The following MEF2C variants were observed in gnomAD, a reference collection of about 807,000 sequenced individuals.
The protein encoded by MEF2C is myocyte-specific enhancer factor 2C.
A neutral mutation model predicts 50.5 loss-of-function variants in MEF2C; 6 were observed. The observed-to-expected ratio is 0.12, with a 90% CI of 0.07 to 0.23. The LOEUF is 0.23. Ranked by LOEUF, MEF2C falls within the 10% of genes least tolerant of loss-of-function variation. The probability of loss-of-function intolerance (pLI) is 1.00; values close to 1 mark genes in which losing one functional copy is unlikely to be tolerated. For missense variants in MEF2C, 276 were observed against 605.0 expected, an observed-to-expected ratio of 0.46 and a Z score of 5.70; for synonymous variants, 183 against 228.0, an observed-to-expected ratio of 0.80 and a Z score of 1.78.
At position 88,720,805 on chromosome 5, in the gene MEF2C, A is replaced by G. The variant is rs1756088118; in HGVS notation, c.*1799T>C. 6.6e-6 allele frequency: 1 copy of G among 152,600 alleles called. No homozygotes were observed. Among genetic ancestry groups the G allele is most frequent in the Non-Finnish European group, 1.5e-5 (1 of 68,012 alleles). The allele number at this position is 152,600 out of a possible 1,614,324, so 9.5% of individuals were successfully genotyped here. ...AAGAGTCATTTTTTTTAAATTAAAA[A>G]AAGGGACATAGAGAGGTTCTTTATG... On this transcript the variant is annotated 3_prime_UTR_variant, in exon 11 of 11. Transcript: ENST00000504921.
intron 1 of MEF2C, among the ~76,000 whole-genome samples, chr5:88,899,132 A>C (rs1410421229): frequency 6.6e-6 from 1 of 152,176 alleles, no homozygotes; most frequent in Non-Finnish European, 1.5e-5. Flanking sequence ...TCGTGTCATA[A>C]CATAATTTTG....
chr5:88,769,185 A>G (rs971545060), intron 3 of MEF2C, among the ~76,000 whole-genome samples: 1 of 152,240 alleles, frequency 6.6e-6, no homozygotes, highest in Non-Finnish European at 1.5e-5. Flanking sequence ...AATGTGAGTC[A>G]GATACTATAA....
At chr5:88,755,936 T>A (rs1287066014) in intron 4 of MEF2C, among the ~76,000 whole-genome samples, 1 of 152,218 alleles carries the variant, frequency 6.6e-6, no homozygotes, top group East Asian at 1.9e-4. Context: ...TTCCTCTGAC[T>A]ATTATCCCCA....
At chr5:88,749,628 T>A in intron 5 of MEF2C, 1 of 368,592 alleles carries the variant, frequency 2.7e-6, no homozygotes, top group Non-Finnish European at 3.8e-6. Flanking sequence ...GGCCACAGAT[T>A]AAGAAACATA....
At chr5:88,880,040 G>C (rs1333044903) in intron 1 of MEF2C, among the ~76,000 whole-genome samples, 3 of 151,832 alleles carry the variant, frequency 2.0e-5, no homozygotes, top group Non-Finnish European at 4.4e-5. Context: ...TTTACTGAGT[G>C]CAAGACAGTC....
intron 1 of MEF2C, among the ~76,000 whole-genome samples, chr5:88,891,824 TC>T (rs1390697744): frequency 6.6e-6 from 1 of 152,164 alleles, no homozygotes; most frequent in Admixed American, 6.5e-5. Context: ...TTTGTTTTGT[TC>T]TGTCTTTTGG....
chr5:88,884,960 T>C (rs776725453), upstream of MEF2C, among the ~76,000 whole-genome samples: 2 of 152,186 alleles, frequency 1.3e-5, no homozygotes, highest in African/African-American at 2.4e-5. Context: ...AGTAGAATTA[T>C]AGATTACATA....
intron 2 of MEF2C, among the ~76,000 whole-genome samples, chr5:88,822,238 T>C (rs1461243605): frequency 2.0e-5 from 3 of 151,996 alleles, no homozygotes; most frequent in African/African-American, 7.2e-5. Context: ...CTAATTCATA[T>C]GTTTTTGACT....
At chr5:88,788,519 T>C (rs1269300700) in intron 3 of MEF2C, among the ~76,000 whole-genome samples, 1 of 152,118 alleles carries the variant, frequency 6.6e-6, no homozygotes, top group East Asian at 1.9e-4. Flanking sequence ...CCATGCCAGT[T>C]ATTTGAATGA....
chr5:88,730,328 T>C lies in MEF2C; in HGVS notation c.811-94A>G, dbSNP rs181038149. ...CAACAAAAGGAAAAGCATCTTCCGA[T>C]AGACACAACAGTTTAAACAGTTTTA... On this transcript the variant is annotated intron_variant, in intron 7 of 10. Coordinates refer to ENST00000504921, the MANE Select transcript of MEF2C (RefSeq NM_002397.5). 91 of 1,330,900 alleles carry C rather than the reference T, an allele frequency of 6.8e-5. No individual in the cohort carries two copies. In the East Asian group the frequency reaches 1.6e-3, roughly 23 times the overall value. The allele number at this position is 1,330,900 out of a possible 1,614,324, so 82.4% of individuals were successfully genotyped here. A position where few individuals can be genotyped will look rare whatever the true frequency, so the allele number is the denominator to read the frequency against.
chr5:88,752,237 T>C (rs1773159246), intron 4 of MEF2C, among the ~76,000 whole-genome samples, 194 bp from the exon 5 acceptor site: 1 of 152,244 alleles, frequency 6.6e-6, no homozygotes, highest in Non-Finnish European at 1.5e-5. Flanking sequence ...AACTCCTTCT[T>C]TGCAACCATT....
At position 88,861,921 on chromosome 5, in the gene MEF2C, A is replaced by G. The variant is rs180783007; in HGVS notation, c.-143+21034T>C. ...ATTCACTACATTTTGTGACTTCCAA[A>G]AAAGTCAATCCATTAGACCAAAGTT... is the stretch of plus-strand genomic sequence containing the variant. On this transcript the variant is annotated intron_variant, in intron 1 of 10. Coordinates refer to ENST00000504921, the MANE Select transcript of MEF2C (RefSeq NM_002397.5). Among the ~76,000 whole-genome samples, 609 of 152,320 alleles carry G rather than the reference A, an allele frequency of 4.0e-3. 5 individuals are homozygous for G. The highest frequency in any genetic ancestry group is 0.011 in the Admixed American group (165 of 15,306).
chr5:88,734,641 CTA>C, intron 6 of MEF2C: 2 of 961,322 alleles, frequency 2.1e-6, no homozygotes, highest in Non-Finnish European at 2.4e-6. Flanking sequence ...CCAACAAAGC[CTA>C]TGTCTTTTTG....
rs1408306279 is a variant in MEF2C, at chr5:88,717,768, T to A, written c.*4836A>T. The A allele has an allele frequency of 6.6e-6, 1 of 152,346 alleles. No homozygotes were observed. Among genetic ancestry groups the A allele is most frequent in the Non-Finnish European group, 1.5e-5 (1 of 68,030 alleles). The allele number at this position is 152,346 out of a possible 1,614,324, so 9.4% of individuals were successfully genotyped here. A position where few individuals can be genotyped will look rare whatever the true frequency, so the allele number is the denominator to read the frequency against. ...TTAATAATGGATATATTTGATAGTC[T>A]CTAAAATGTATGAATTCACTAATTT... On this transcript the variant is annotated 3_prime_UTR_variant, in exon 11 of 11. Coordinates refer to ENST00000504921, the MANE Select transcript of MEF2C (RefSeq NM_002397.5).
intron 1 of MEF2C, among the ~76,000 whole-genome samples, chr5:88,903,166 A>AT (rs1240763363): frequency 5.3e-5 from 8 of 151,826 alleles, no homozygotes; most frequent in African/African-American, 1.9e-4. Flanking sequence ...AATTAACAAA[A>AT]TAAAAATAAA....
At chr5:88,772,865 T>C (rs923911471) in intron 3 of MEF2C, 4 of 985,360 alleles carry the variant, frequency 4.1e-6, no homozygotes, top group Non-Finnish European at 4.8e-6. Context: ...CCCCAGTTAA[T>C]ATGCCCTGTG....
chr5:88,756,351 T>A (rs1422037509), intron 4 of MEF2C, among the ~76,000 whole-genome samples: 1 of 152,280 alleles, frequency 6.6e-6, no homozygotes, highest in South Asian at 2.1e-4. Flanking sequence ...ATTATTTCCA[T>A]CTTTATGTCC....
chr5:88,887,919 A>G (rs1834170048), upstream of MEF2C, among the ~76,000 whole-genome samples: 1 of 152,240 alleles, frequency 6.6e-6, no homozygotes, highest in African/African-American at 2.4e-5. Context: ...AGGTTTACAC[A>G]TATCTAAGGA....
chr5:88,823,978 T>G lies in MEF2C; in HGVS notation c.-142-48A>C, dbSNP rs1809709936. On this transcript the variant is annotated intron_variant, in intron 1 of 10. Coordinates refer to ENST00000504921, the MANE Select transcript of MEF2C (RefSeq NM_002397.5). The stretch of plus-strand genomic sequence containing the variant: ...ATACCACTCTAACAGCAAGTCAGTT[T>G]CATAAGAACTATCATATTCTAATTT... 2.9e-6 allele frequency: 4 copies of G among 1,357,988 alleles called. No homozygotes were observed. The East Asian group carries it at 1.0e-4, about 34-fold the overall frequency. 84.1% of individuals were successfully genotyped at this position (1,357,988 alleles called of 1,614,324 possible). A position where few individuals can be genotyped will look rare whatever the true frequency, so the allele number is the denominator to read the frequency against.
Sources: gnomAD v4.1 joint callset for allele counts (sites outside exome capture counted in the v4.1 genomes callset) on GRCh38, gnomAD v4.1.1 for gene constraint, MANE v1.5 for transcripts, NCBI Gene and HGNC (gene_info 2026-07-23, HGNC 2026-07-21) for gene names.